The following PLCE1 variants were observed in gnomAD, a reference collection of about 807,000 sequenced individuals.
The protein encoded by PLCE1 is 1-phosphatidylinositol 4,5-bisphosphate phosphodiesterase epsilon-1.
PLCE1 carries 119 observed loss-of-function variants against 242.8 expected under a neutral mutation model. The observed-to-expected ratio is 0.49, with a 90% CI of 0.42 to 0.57. The LOEUF (loss-of-function observed/expected upper bound fraction) is 0.57. Ranked by LOEUF, PLCE1 falls within the 20% of genes least tolerant of loss-of-function variation. PLCE1 has a pLI of 0.00. For synonymous variants in PLCE1, 945 were observed against 1,017.4 expected (o/e 0.93, Z 1.35); for missense variants, 2,441 against 2,788.8 (o/e 0.88, Z 2.81).
intron 1 of PLCE1, among the ~76,000 whole-genome samples, chr10:94,003,895 C>T (rs911638927): frequency 6.6e-6 from 1 of 152,122 alleles, no homozygotes; most frequent in African/African-American, 2.4e-5. Context: ...TGCCTGTAAT[C>T]CCAGCACTAT....
intron 2 of PLCE1, among the ~76,000 whole-genome samples, chr10:94,066,682 A>G (rs1332647868): frequency 6.6e-6 from 1 of 152,096 alleles, no homozygotes. Flanking sequence ...TTGTCTTTCC[A>G]TTACACCTGC....
chr10:94,316,568 A>C lies in PLCE1; in HGVS notation c.6154A>C (p.Ile2052Leu). The stretch of plus-strand genomic sequence containing the variant: ...TTAGATTCTGACAAATGAACAAGAC[A>C]TCAAACCTGTTACCACAGACTATTT... ...LQQILTNEQD[I>L]KPVTTDYFLM... The change falls in exon 29 of 33, where the codon ATC becomes CTC. Residue 2052 changes from isoleucine to leucine, a missense_variant. Physicochemically the swap from Ile to Leu is conservative, Grantham distance 5. This residue lies in a region of PLCE1 where 310 missense variants were observed against 317.2 expected (regional missense o/e 0.98). Coordinates refer to ENST00000371380, the MANE Select transcript of PLCE1 (RefSeq NM_016341.4). 2 of 1,608,148 alleles carry C rather than the reference A, an allele frequency of 1.2e-6. No homozygotes were observed. Among genetic ancestry groups the C allele is most frequent in the Non-Finnish European group, 1.7e-6 (2 of 1,176,030 alleles).
At position 94,158,116 on chromosome 10, in the gene PLCE1, A is replaced by G. The variant is rs150249351; in HGVS notation, c.1493-13064A>G. ...TTTATGATGATGATTGTTGATTGTTATAAAACAGAGACACAGAATCCTTTC... is the reference window on the plus strand; with the variant it reads ...TTTATGATGATGATTGTTGATTGTTGTAAAACAGAGACACAGAATCCTTTC... On this transcript the variant is annotated intron_variant, in intron 3 of 32. Transcript: ENST00000371380. 2.6e-5 allele frequency among the ~76,000 whole-genome samples: 4 copies of G among 152,346 alleles called. No individual in the cohort carries two copies. In the East Asian group the frequency reaches 7.7e-4, roughly 29 times the overall value.
At chr10:94,135,790 A>C (rs778240243) in intron 3 of PLCE1, among the ~76,000 whole-genome samples, 1 of 152,248 alleles carries the variant, frequency 6.6e-6, no homozygotes, top group Non-Finnish European at 1.5e-5. Context: ...ATTTTATTAA[A>C]GATGAGTAAA....
At chr10:94,064,255 A>G (rs765610122) in intron 2 of PLCE1, among the ~76,000 whole-genome samples, 10 of 152,170 alleles carry the variant, frequency 6.6e-5, no homozygotes, top group Non-Finnish European at 1.5e-4. Flanking sequence ...TTGGACAATT[A>G]AGAGCGTGAG....
intron 2 of PLCE1, among the ~76,000 whole-genome samples, chr10:94,117,507 G>A (rs753521042): frequency 1.9e-4 from 29 of 152,072 alleles, no homozygotes; most frequent in Non-Finnish European, 3.1e-4. Context: ...CATTTGTGCC[G>A]TCTTTGACAT....
chr10:94,161,758 T>G (rs912276137), intron 3 of PLCE1, among the ~76,000 whole-genome samples: 1 of 152,120 alleles, frequency 6.6e-6, no homozygotes, highest in Non-Finnish European at 1.5e-5. Context: ...ATGCTTCCAG[T>G]TTTTGCCCAT....
chr10:94,007,571 CTCTCT>C (rs1356835665), intron 1 of PLCE1, among the ~76,000 whole-genome samples: 1 of 127,504 alleles, frequency 7.8e-6, no homozygotes, highest in African/African-American at 3.3e-5. Flanking sequence ...TACATTCTCT[CTCTCT>C]TTTTTTTTTT....
At chr10:94,262,790 T>C in intron 14 of PLCE1, 58 bp downstream of exon 14, 2 of 1,099,858 alleles carry the variant, frequency 1.8e-6, no homozygotes, top group Non-Finnish European at 1.4e-6. Context: ...TTCTAATAAT[T>C]TGCTGCTAAA....
intron 3 of PLCE1, among the ~76,000 whole-genome samples, chr10:94,166,358 G>T (rs953171609): frequency 2.0e-5 from 3 of 152,156 alleles, no homozygotes; most frequent in Non-Finnish European, 4.4e-5. Flanking sequence ...AAGAAAGCTT[G>T]TGCCCATTTC....
chr10:94,227,318 G>GA lies in PLCE1; in HGVS notation c.1822_1823insA (p.Val608AspfsTer60). The GA allele has an allele frequency of 6.2e-7, 1 of 1,614,132 alleles. No homozygotes were observed. Among genetic ancestry groups the GA allele is most frequent in the Non-Finnish European group, 8.5e-7 (1 of 1,179,990 alleles). On this transcript the variant is annotated frameshift_variant, in exon 5 of 33. Transcript: ENST00000371380. LOFTEE classifies it high-confidence loss of function. ...GTGTGTTTTCCAGGTGAGCTCCTGG[G>GA]TGACATGGCTGATCCTCACGGCAGG... is the stretch of plus-strand genomic sequence containing the variant.
intron 2 of PLCE1, among the ~76,000 whole-genome samples, chr10:94,037,096 T>G (rs1021024505): frequency 4.6e-5 from 7 of 152,224 alleles, no homozygotes; most frequent in Non-Finnish European, 7.3e-5. Flanking sequence ...TATTGCTGCT[T>G]CTTATTCTGC....
chr10:94,284,265 TG>T (rs2052355154), intron 21 of PLCE1, among the ~76,000 whole-genome samples: 1 of 152,184 alleles, frequency 6.6e-6, no homozygotes, highest in Admixed American at 6.5e-5. Flanking sequence ...TCAGGGAAGA[TG>T]AGGTTTCAGA....
chr10:94,169,161 T>C (rs1382048397), intron 3 of PLCE1, among the ~76,000 whole-genome samples: 1 of 152,102 alleles, frequency 6.6e-6, no homozygotes. Flanking sequence ...CATGTCCTCA[T>C]TGGTTTAGTA....
chr10:94,109,069 A>G (rs376631452), intron 2 of PLCE1: 2 of 152,034 alleles, frequency 1.3e-5, no homozygotes, highest in African/African-American at 4.8e-5. Flanking sequence ...TCTTTTTACC[A>G]TTTCCTGCCA....
chr10:94,249,162 C>T (rs1176714998), intron 8 of PLCE1, among the ~76,000 whole-genome samples: 1 of 152,192 alleles, frequency 6.6e-6, no homozygotes, highest in Non-Finnish European at 1.5e-5. Flanking sequence ...GCTCTCTCTA[C>T]ATGAGCCATT....
intron 2 of PLCE1, among the ~76,000 whole-genome samples, chr10:94,110,594 A>G (rs1186894844): frequency 1.3e-5 from 2 of 152,258 alleles, no homozygotes; most frequent in Non-Finnish European, 2.9e-5. Flanking sequence ...AACTTGGTTA[A>G]TACATTATGT....
At chr10:94,226,547 A>C (rs1215374193) in intron 4 of PLCE1, among the ~76,000 whole-genome samples, 3 of 152,204 alleles carry the variant, frequency 2.0e-5, no homozygotes, top group Non-Finnish European at 2.9e-5. Context: ...TTTGAGGGGC[A>C]TAATAGATAA....
intron 8 of PLCE1, among the ~76,000 whole-genome samples, chr10:94,249,890 G>A (rs1414831949): frequency 6.6e-6 from 1 of 151,908 alleles, no homozygotes; most frequent in African/African-American, 2.4e-5. Context: ...GAATTACCAG[G>A]TAAATATCTT....
Sources: gnomAD v4.1 joint callset for allele counts (sites outside exome capture counted in the v4.1 genomes callset) on GRCh38, gnomAD v4.1.1 for gene constraint, gnomAD v4.1.1 regional missense constraint, MANE v1.5 for transcripts, NCBI Gene and HGNC (gene_info 2026-07-23, HGNC 2026-07-21) for gene names.